The following C12orf76 variants were observed in gnomAD, a reference collection of about 807,000 sequenced individuals.
C12orf76 encodes the protein chromosome 12 open reading frame 76, also known as uncharacterized protein C12orf76.
C12orf76 carries 6 observed loss-of-function variants against 6.8 expected under a neutral mutation model. The observed-to-expected ratio is 0.88, with a 90% CI of 0.48 to 1.73. The LOEUF (loss-of-function observed/expected upper bound fraction) is 1.73. Ranked by LOEUF, C12orf76 falls within the 40% of genes most tolerant of loss-of-function variation. C12orf76 has a pLI of 0.01. For synonymous variants in C12orf76, 56 were observed against 43.7 expected (o/e 1.28, Z -1.11); for missense variants, 99 against 98.2 (o/e 1.01, Z -0.03).
chr12:110,066,696 GA>G (rs147005035), intron 1 of C12orf76, among the ~76,000 whole-genome samples: 7 of 149,422 alleles, frequency 4.7e-5, no homozygotes, highest in African/African-American at 9.8e-5. Flanking sequence ...CTCAAAAAAA[GA>G]AAAAAAAAAT....
At chr12:110,057,034 C>T in intron 4 of C12orf76, 2 of 621,064 alleles carry the variant, frequency 3.2e-6, no homozygotes, top group Non-Finnish European at 5.8e-6. Flanking sequence ...CCTGGAGTGG[C>T]AGGGAAATAA....
intron 2 of C12orf76, among the ~76,000 whole-genome samples, chr12:110,065,090 A>C (rs1892835736): frequency 1.3e-5 from 2 of 152,020 alleles, no homozygotes; most frequent in South Asian, 4.1e-4. Flanking sequence ...TGCTTGCCTG[A>C]GATCCTTTAT....
chr12:110,064,071 C>T (rs932787293), intron 2 of C12orf76, among the ~76,000 whole-genome samples: 1 of 152,140 alleles, frequency 6.6e-6, no homozygotes, highest in Non-Finnish European at 1.5e-5. Flanking sequence ...CTCATACAGC[C>T]TCAGACAATC....
chr12:110,047,237 A>G (rs1239497962), intron 1 of C12orf76, among the ~76,000 whole-genome samples: 4 of 152,146 alleles, frequency 2.6e-5, no homozygotes, highest in Non-Finnish European at 5.9e-5. Context: ...ATGCACACAC[A>G]CATATTTACG....
At position 110,048,504 on chromosome 12, in the gene C12orf76, G is replaced by A. The variant is rs1010396224; in HGVS notation, c.-9C>T. The A allele has an allele frequency of 2.1e-6, 3 of 1,419,894 alleles. No individual in the cohort carries two copies. The highest frequency in any genetic ancestry group is 2.8e-6 in the Non-Finnish European group (3 of 1,087,666). The allele number at this position is 1,419,894 out of a possible 1,614,324, so 88.0% of individuals were successfully genotyped here. On this transcript the variant is annotated 5_prime_UTR_variant, in exon 1 of 2. Coordinates refer to ENST00000615315, the MANE Select transcript of C12orf76 (RefSeq NM_001389625.1). ...AACGCTGGACGCAGCATCTTCCCCA[G>A]CCCTGCAGAAGCAGAGAGGCCACTT...
At chr12:110,072,920 C>T (rs956746159) in intron 1 of C12orf76, among the ~76,000 whole-genome samples, 1 of 149,878 alleles carries the variant, frequency 6.7e-6, no homozygotes, top group Non-Finnish European at 1.5e-5. Flanking sequence ...CACACTCCAG[C>T]CTGGGGTACA....
chr12:110,062,137 G>A (rs139777299), intron 2 of C12orf76, among the ~76,000 whole-genome samples: 10 of 152,114 alleles, frequency 6.6e-5, no homozygotes, highest in South Asian at 6.2e-4. Context: ...GGTGGCGCAC[G>A]CCTGTAATCC....
At chr12:110,043,399 T>C (rs1462196801) in intron 1 of C12orf76, among the ~76,000 whole-genome samples, 1 of 151,956 alleles carries the variant, frequency 6.6e-6, no homozygotes, top group Non-Finnish European at 1.5e-5. Context: ...TTCCTCTGGC[T>C]TTTGTGTGGA....
chr12:110,050,910 C>T, upstream of C12orf76: 1 of 651,524 alleles, frequency 1.5e-6, no homozygotes, highest in Non-Finnish European at 2.8e-6. Flanking sequence ...TTTCTGGCAA[C>T]CACAGAAGGG....
At chr12:110,068,274 GAAGAAGAA>G (rs1892908764), upstream of C12orf76, among the ~76,000 whole-genome samples, 2 of 133,548 alleles carry the variant, frequency 1.5e-5, no homozygotes, top group African/African-American at 5.4e-5. Context: ...AGAAGAAGAA[GAAGAAGAA>G]GAAGAAGAAG....
intron 4 of C12orf76, among the ~76,000 whole-genome samples, chr12:110,056,337 A>G (rs115134224): frequency 0.019 from 2,944 of 152,262 alleles, 89 homozygotes; most frequent in African/African-American, 0.067. Context: ...CCTAACCCCA[A>G]TGACCTTTTT....
upstream of C12orf76, chr12:110,050,691 T>G: frequency 2.6e-6 from 1 of 381,022 alleles, no homozygotes; most frequent in Non-Finnish European, 4.8e-6. Context: ...CACCCCTCGT[T>G]TAGCGTATCA....
At position 110,043,870 on chromosome 12, in the gene C12orf76, CA is replaced by C. The variant is rs1555251403; in HGVS notation, c.134-1412del. ...ACTCTGTCTCAAAAAAAAACAAAAA[CA>C]AAAAAAAAAATGTTACGTTTTTAAG... On this transcript the variant is annotated intron_variant, in intron 1 of 1. Coordinates refer to ENST00000615315, the MANE Select transcript of C12orf76 (RefSeq NM_001389625.1). Among the ~76,000 whole-genome samples, 25 of 132,452 alleles carry C rather than the reference CA, an allele frequency of 1.9e-4. 1 individual carries two copies. The highest frequency in any genetic ancestry group is 5.1e-4 in the Admixed American group (7 of 13,640). 86.9% of individuals were successfully genotyped at this position (132,452 alleles called of 152,430 possible).
intron 2 of C12orf76, among the ~76,000 whole-genome samples, chr12:110,063,135 T>C (rs1892801763): frequency 6.6e-6 from 1 of 151,468 alleles, no homozygotes; most frequent in Admixed American, 6.6e-5. Flanking sequence ...ACACAGGGTT[T>C]CACCATGTTG....
intron 1 of C12orf76, among the ~76,000 whole-genome samples, chr12:110,066,643 G>C (rs1421996015): frequency 2.6e-5 from 4 of 151,874 alleles, no homozygotes; most frequent in African/African-American, 7.3e-5. Flanking sequence ...AGCCAAGATC[G>C]CGCCATTTCA....
chr12:110,053,316 T>C (rs1477617239), upstream of C12orf76, among the ~76,000 whole-genome samples: 2 of 151,440 alleles, frequency 1.3e-5, no homozygotes, highest in East Asian at 3.9e-4. Flanking sequence ...CTGGCCAACA[T>C]GGTGAAACTC....
upstream of C12orf76, among the ~76,000 whole-genome samples, chr12:110,070,820 G>A (rs914952313): frequency 6.6e-6 from 1 of 152,124 alleles, no homozygotes; most frequent in Admixed American, 6.5e-5. Flanking sequence ...TGTCATTCAG[G>A]CTGGAATGAA....
chr12:110,070,426 C>T (rs1459246546), upstream of C12orf76, among the ~76,000 whole-genome samples: 1 of 151,804 alleles, frequency 6.6e-6, no homozygotes. Context: ...ATTAGCCAGG[C>T]GTCATGGCAT....
intron 1 of C12orf76, among the ~76,000 whole-genome samples, 178 bp downstream of exon 1, chr12:110,048,185 T>C (rs2137220094): frequency 6.6e-6 from 1 of 152,342 alleles, no homozygotes; most frequent in South Asian, 2.1e-4. Flanking sequence ...TCAGGCCTTC[T>C]GCCCCAGGCT....
Sources: allele counts gnomAD v4.1 joint callset (sites outside exome capture counted in the v4.1 genomes callset), GRCh38; gene constraint gnomAD v4.1.1; transcripts MANE v1.5; gene names NCBI Gene and HGNC (gene_info 2026-07-23, HGNC 2026-07-21).